GUCY1A2: variants seen among roughly 807,000 people sequenced by gnomAD.
The protein encoded by GUCY1A2 is guanylate cyclase soluble subunit alpha-2.
In GUCY1A2, 27 loss-of-function variants were observed where a neutral mutation model predicts 63.5. The observed-to-expected ratio is 0.43, with a 90% CI of 0.31 to 0.59. The LOEUF (loss-of-function observed/expected upper bound fraction) is 0.59. Among genes scored for constraint, GUCY1A2 ranks in the 20% least tolerant of loss-of-function variants. GUCY1A2 has a pLI of 0.11. For synonymous variants in GUCY1A2, 364 were observed against 343.5 expected, an observed-to-expected ratio of 1.06 and a Z score of -0.66; for missense variants, 768 against 913.3, an observed-to-expected ratio of 0.84 and a Z score of 2.05.
intron 4 of GUCY1A2, among the ~76,000 whole-genome samples, chr11:106,820,362 T>C (rs1476883883): frequency 6.6e-6 from 1 of 152,188 alleles, no homozygotes; most frequent in African/African-American, 2.4e-5. Flanking sequence ...CTACCTTGAT[T>C]AGTGAGCAGC....
intron 4 of GUCY1A2, among the ~76,000 whole-genome samples, chr11:106,914,815 G>A (rs931949019): frequency 2.6e-5 from 4 of 151,940 alleles, no homozygotes; most frequent in African/African-American, 7.2e-5. Context: ...GTCACAAAGG[G>A]ACTTCTAGTT....
At chr11:106,725,059 T>A (rs1401996215) in intron 6 of GUCY1A2, among the ~76,000 whole-genome samples, 1 of 151,894 alleles carries the variant, frequency 6.6e-6, no homozygotes, top group Non-Finnish European at 1.5e-5. Flanking sequence ...TAATTAGGAT[T>A]GCAGACTGAA....
chr11:106,759,286 A>T (rs1023726625), intron 6 of GUCY1A2, among the ~76,000 whole-genome samples: 13 of 152,192 alleles, frequency 8.5e-5, no homozygotes, highest in Non-Finnish European at 1.8e-4. Flanking sequence ...GTATTTTATT[A>T]CCATGATTAT....
At chr11:106,897,452 A>AT (rs1274281961) in intron 4 of GUCY1A2, among the ~76,000 whole-genome samples, 8 of 152,246 alleles carry the variant, frequency 5.3e-5, no homozygotes, top group African/African-American at 1.9e-4. Context: ...AAGACTTATT[A>AT]TAGAACCACA....
chr11:106,760,548 G>A lies in GUCY1A2; in HGVS notation c.1836+15891C>T, dbSNP rs1171144653. Reference sequence around the variant, plus strand: ...TACAACTTGATATTTGGACAAAGTAGGTAAAATAATTTTATTCTAATTTTT... The same window carrying A: ...TACAACTTGATATTTGGACAAAGTAAGTAAAATAATTTTATTCTAATTTTT... On this transcript the variant is annotated intron_variant, in intron 6 of 7. Coordinates refer to ENST00000526355, the MANE Select transcript of GUCY1A2 (RefSeq NM_000855.3). Among the ~76,000 whole-genome samples the A allele has an allele frequency of 7.2e-5, 11 of 152,010 alleles. 1 individual carries two copies. Among genetic ancestry groups the A allele is most frequent in the African/African-American group, 2.4e-4 (10 of 41,392 alleles).
At chr11:106,726,339 C>G (rs1863407681) in intron 6 of GUCY1A2, among the ~76,000 whole-genome samples, 1 of 152,084 alleles carries the variant, frequency 6.6e-6, no homozygotes, top group South Asian at 2.1e-4. Context: ...TCGCTTGAAC[C>G]TGGGAGGCAG....
chr11:106,848,265 T>TAA (rs906233352), intron 4 of GUCY1A2, among the ~76,000 whole-genome samples: 8 of 151,428 alleles, frequency 5.3e-5, no homozygotes, highest in Non-Finnish European at 8.9e-5. Context: ...GAGCAGAAAA[T>TAA]AAAGAGTTCA....
chr11:107,002,117 G>T (rs892754603), intron 1 of GUCY1A2, among the ~76,000 whole-genome samples: 2 of 152,040 alleles, frequency 1.3e-5, no homozygotes, highest in Non-Finnish European at 2.9e-5. Context: ...CTTGCTTGAT[G>T]AAATTGATTA....
chr11:106,713,063 G>T (rs1863149304), intron 6 of GUCY1A2, among the ~76,000 whole-genome samples: 1 of 152,102 alleles, frequency 6.6e-6, no homozygotes, highest in Non-Finnish European at 1.5e-5. Context: ...TTCAACTCAA[G>T]AAGTTTGTTG....
chr11:106,962,846 TC>T (rs1222798886), intron 3 of GUCY1A2, among the ~76,000 whole-genome samples: 1 of 151,078 alleles, frequency 6.6e-6, no homozygotes, highest in Non-Finnish European at 1.5e-5. Flanking sequence ...TTGAAACTGA[TC>T]TTTTGTCTAT....
At chr11:106,866,292 G>A (rs1329188340) in intron 4 of GUCY1A2, among the ~76,000 whole-genome samples, 2 of 151,980 alleles carry the variant, frequency 1.3e-5, no homozygotes, top group Admixed American at 1.3e-4. Context: ...AAGAAAAGGG[G>A]GAGGTTAGGA....
At chr11:106,764,981 T>TGGAG (rs1864136940) in intron 6 of GUCY1A2, among the ~76,000 whole-genome samples, 1 of 41,138 alleles carries the variant, frequency 2.4e-5, no homozygotes, top group Non-Finnish European at 4.8e-5. Flanking sequence ...GGGGGGGGGT[T>TGGAG]GGGGGGCAGG....
chr11:106,813,855 G>A (rs1858796904), intron 4 of GUCY1A2, among the ~76,000 whole-genome samples: 1 of 152,060 alleles, frequency 6.6e-6, no homozygotes, highest in Non-Finnish European at 1.5e-5. Context: ...CATGTACTGT[G>A]CTGAGTACTT....
At chr11:106,826,204 C>G (rs1565302036) in intron 4 of GUCY1A2, among the ~76,000 whole-genome samples, 2 of 152,158 alleles carry the variant, frequency 1.3e-5, no homozygotes, top group Non-Finnish European at 2.9e-5. Context: ...AAAGATATAT[C>G]TATAAATAAA....
chr11:106,680,093 A>T lies in GUCY1A2; in HGVS notation c.*7456T>A, dbSNP rs973102110. On this transcript the variant is annotated 3_prime_UTR_variant, in exon 8 of 8. Coordinates refer to ENST00000526355, the MANE Select transcript of GUCY1A2 (RefSeq NM_000855.3). ...AAGAGTCTCTACATCTTCCTGAATA[A>T]AAAACTAACTCTCTTTGCTTCATCT... 1 of 215,684 alleles carries T rather than the reference A, an allele frequency of 4.6e-6. No homozygotes were observed. Among genetic ancestry groups the T allele is most frequent in the Non-Finnish European group, 9.3e-6 (1 of 107,114 alleles). 13.4% of individuals were successfully genotyped at this position (215,684 alleles called of 1,614,324 possible).
intron 6 of GUCY1A2, among the ~76,000 whole-genome samples, chr11:106,723,017 T>C (rs1030643643): frequency 2.0e-5 from 3 of 152,244 alleles, no homozygotes; most frequent in Admixed American, 2.0e-4. Flanking sequence ...TGTAATTTTA[T>C]AGGACTATTA....
At chr11:107,006,584 T>C (rs1861674402) in intron 1 of GUCY1A2, among the ~76,000 whole-genome samples, 1 of 152,220 alleles carries the variant, frequency 6.6e-6, no homozygotes, top group Admixed American at 6.5e-5. Flanking sequence ...ATCTTTCCCT[T>C]GCCTAAGAGA....
chr11:106,823,724 C>A (rs1258184144), intron 4 of GUCY1A2, among the ~76,000 whole-genome samples: 2 of 152,122 alleles, frequency 1.3e-5, no homozygotes, highest in African/African-American at 4.8e-5. Context: ...TCCACACAAA[C>A]ATCTATTGTT....
intron 6 of GUCY1A2, among the ~76,000 whole-genome samples, chr11:106,755,586 G>A (rs575804243): frequency 3.3e-5 from 5 of 152,242 alleles, no homozygotes; most frequent in Admixed American, 2.6e-4. Flanking sequence ...CTTTATTTCT[G>A]CCTTCATTTC....
Sources: gnomAD v4.1 joint callset for allele counts (sites outside exome capture counted in the v4.1 genomes callset) on GRCh38, gnomAD v4.1.1 for gene constraint, MANE v1.5 for transcripts, NCBI Gene and HGNC (gene_info 2026-07-23, HGNC 2026-07-21) for gene names.